Variants in MACROD2 observed in about 807,000 individuals in gnomAD.
MACROD2 encodes mono-ADP ribosylhydrolase 2.
Under a neutral mutation model 70.4 loss-of-function variants are expected in MACROD2, and 36 were observed. The observed-to-expected ratio is 0.51, with a 90% CI of 0.39 to 0.68. The LOEUF is 0.68. Among genes scored for constraint, MACROD2 ranks in the 30% least tolerant of loss-of-function variants. The pLI is 0.00. For synonymous variants in MACROD2, 172 were observed against 178.8 expected (o/e 0.96, Z 0.30); for missense variants, 496 against 538.4 (o/e 0.92, Z 0.78).
At chr20:14,974,745 A>C (rs2074722929) in intron 5 of MACROD2, among the ~76,000 whole-genome samples, 1 of 152,044 alleles carries the variant, frequency 6.6e-6, no homozygotes, top group Non-Finnish European at 1.5e-5. Flanking sequence ...TGCAGTTTGC[A>C]CTGCAAGTCC....
intron 3 of MACROD2, among the ~76,000 whole-genome samples, chr20:14,118,785 A>G (rs977483238): frequency 1.3e-5 from 2 of 150,942 alleles, no homozygotes; most frequent in Admixed American, 1.3e-4. Flanking sequence ...TATTTCTTCC[A>G]TTAGTTCAGT....
intron 7 of MACROD2, among the ~76,000 whole-genome samples, chr20:15,434,305 T>C (rs938804739): frequency 2.7e-5 from 4 of 149,312 alleles, no homozygotes; most frequent in Admixed American, 6.8e-5. Context: ...ACCCAGAATC[T>C]ATAAGGAACT....
At chr20:15,415,904 GT>G (rs2046141590) in intron 6 of MACROD2, among the ~76,000 whole-genome samples, 1 of 152,148 alleles carries the variant, frequency 6.6e-6, no homozygotes, top group South Asian at 2.1e-4. Context: ...TCCTAGGTTT[GT>G]CACATTTTGC....
intron 5 of MACROD2, among the ~76,000 whole-genome samples, chr20:15,116,748 CTG>C (rs1330505643): frequency 6.6e-6 from 1 of 152,160 alleles, no homozygotes; most frequent in Non-Finnish European, 1.5e-5. Flanking sequence ...TAATACATAA[CTG>C]TATACAGTAT....
At chr20:15,168,488 TG>T (rs2076401508) in intron 5 of MACROD2, among the ~76,000 whole-genome samples, 1 of 137,514 alleles carries the variant, frequency 7.3e-6, no homozygotes, top group Admixed American at 7.5e-5. Context: ...TGTGTGTGTG[TG>T]TTGACATGAA....
intron 8 of MACROD2, among the ~76,000 whole-genome samples, chr20:15,642,436 G>A (rs1173027549): frequency 2.0e-5 from 3 of 152,066 alleles, no homozygotes; most frequent in Admixed American, 2.0e-4. Flanking sequence ...TTCTGTGAGT[G>A]TTTTTAATGG....
chr20:15,007,349 G>A (rs2075046616), intron 5 of MACROD2, among the ~76,000 whole-genome samples: 1 of 151,602 alleles, frequency 6.6e-6, no homozygotes, highest in South Asian at 2.1e-4. Flanking sequence ...GGGCGACAGA[G>A]TGAGACTCCA....
At chr20:14,856,130 C>A (rs1171686313) in intron 5 of MACROD2, among the ~76,000 whole-genome samples, 1 of 152,048 alleles carries the variant, frequency 6.6e-6, no homozygotes, top group Non-Finnish European at 1.5e-5. Context: ...ATGCTTCCTG[C>A]CCCCTCTATG....
chr20:15,885,696 A>G (rs2064813037), intron 9 of MACROD2, 68 bp from the exon 10 acceptor site: 3 of 1,351,744 alleles, frequency 2.2e-6, no homozygotes, highest in African/African-American at 3.0e-5. Flanking sequence ...TTAATAATCC[A>G]TCTGGAACAT....
At chr20:14,268,044 T>C (rs2082158391) in intron 3 of MACROD2, among the ~76,000 whole-genome samples, 1 of 152,088 alleles carries the variant, frequency 6.6e-6, no homozygotes, top group Non-Finnish European at 1.5e-5. Context: ...TTCAAATATA[T>C]ACAAAAATAG....
At chr20:14,114,302 CT>C (rs2054489175) in intron 3 of MACROD2, among the ~76,000 whole-genome samples, 1 of 152,122 alleles carries the variant, frequency 6.6e-6, no homozygotes, top group Non-Finnish European at 1.5e-5. Context: ...CTGGCTGTAG[CT>C]TAAAATACCT....
chr20:15,842,045 A>G (rs1010393183), intron 8 of MACROD2, among the ~76,000 whole-genome samples: 4 of 152,084 alleles, frequency 2.6e-5, no homozygotes, highest in Admixed American at 2.6e-4. Flanking sequence ...ACTAGACACT[A>G]TGGTCCCAAG....
intron 4 of MACROD2, among the ~76,000 whole-genome samples, chr20:14,508,842 T>C (rs192784827): frequency 3.9e-5 from 6 of 152,294 alleles, no homozygotes; most frequent in Admixed American, 6.5e-5. Context: ...TTTACTATAT[T>C]TGTCCTATCT....
At chr20:15,411,301 A>G (rs2146324784) in intron 6 of MACROD2, among the ~76,000 whole-genome samples, 1 of 152,314 alleles carries the variant, frequency 6.6e-6, no homozygotes, top group East Asian at 1.9e-4. Context: ...AAGTTTCAGT[A>G]AAGAGAATTT....
intron 12 of MACROD2, among the ~76,000 whole-genome samples, chr20:15,947,763 AAC>A (rs2065845069): frequency 6.6e-6 from 1 of 152,224 alleles, no homozygotes; most frequent in Non-Finnish European, 1.5e-5. Flanking sequence ...TTGATGATTT[AAC>A]AGTTTCTTGG....
At chr20:14,308,130 C>T (rs1447604191) in intron 3 of MACROD2, among the ~76,000 whole-genome samples, 2 of 152,064 alleles carry the variant, frequency 1.3e-5, no homozygotes, top group Non-Finnish European at 2.9e-5. Flanking sequence ...GTGCTGATTG[C>T]GGCAGCTTGC....
intron 5 of MACROD2, among the ~76,000 whole-genome samples, chr20:14,986,674 A>G (rs2074851608): frequency 1.3e-5 from 2 of 152,190 alleles, no homozygotes; most frequent in African/African-American, 2.4e-5. Context: ...GCCTGAAAAC[A>G]TAAACATAAA....
At chr20:14,303,792 T>G (rs2082496639) in intron 3 of MACROD2, among the ~76,000 whole-genome samples, 1 of 152,134 alleles carries the variant, frequency 6.6e-6, no homozygotes, top group African/African-American at 2.4e-5. Flanking sequence ...CATTTAAAGG[T>G]ACATTCAGCA....
intron 13 of MACROD2, among the ~76,000 whole-genome samples, chr20:15,976,497 T>A (rs775773179): frequency 2.0e-5 from 3 of 152,204 alleles, no homozygotes; most frequent in South Asian, 4.1e-4. Context: ...GAGGGAAACA[T>A]AAAGCTTGCC....
Sources: gnomAD v4.1 joint callset for allele counts (sites outside exome capture counted in the v4.1 genomes callset) on GRCh38, gnomAD v4.1.1 for gene constraint, MANE v1.5 for transcripts, NCBI Gene and HGNC (gene_info 2026-07-23, HGNC 2026-07-21) for gene names.